Variants in CENPO observed in about 807,000 individuals in gnomAD.
The protein encoded by CENPO is centromeric protein O.
CENPO carries 30 observed loss-of-function variants against 36.1 expected under a neutral mutation model. That is an observed-to-expected ratio of 0.83 (90% confidence interval 0.62 to 1.13). The LOEUF is 1.13. Ranked by LOEUF, CENPO falls within the 50% of genes most tolerant of loss-of-function variation. The probability of loss-of-function intolerance (pLI) is 0.00; values close to 1 mark genes in which losing one functional copy is unlikely to be tolerated. For synonymous variants in CENPO, 171 were observed against 142.3 expected, an observed-to-expected ratio of 1.20 and a Z score of -1.44; for missense variants, 349 against 357.8, an observed-to-expected ratio of 0.98 and a Z score of 0.20.
At position 24,819,926 on chromosome 2, in the gene CENPO, G is replaced by T; in HGVS notation, c.*608G>T. 6.2e-7 allele frequency: 1 copy of T among 1,613,084 alleles called. No homozygotes were observed. Among genetic ancestry groups the T allele is most frequent in the Non-Finnish European group, 8.5e-7 (1 of 1,179,652 alleles). ...CCGGTTTGGACTGTTGCAGGCTCGA[G>T]GCCATTCAGGAGTTGTCCACCACCT... On this transcript the variant is annotated 3_prime_UTR_variant, in exon 8 of 8. Transcript: ENST00000380834.
At chr2:24,811,936 CTCAA>C (rs1176341760) in intron 3 of CENPO, among the ~76,000 whole-genome samples, 16 of 152,288 alleles carry the variant, frequency 1.1e-4, no homozygotes, top group Non-Finnish European at 2.4e-4. Context: ...CTATTTGGAT[CTCAA>C]TCTACCATAG....
rs146744493 is a variant in CENPO at position 24,799,803 on chromosome 2, C to T, written c.175C>T (p.Arg59Ter). 84 of 1,613,528 alleles carry T rather than the reference C, an allele frequency of 5.2e-5. No individual in the cohort carries two copies. Among genetic ancestry groups the T allele is most frequent in the Non-Finnish European group, 6.7e-5 (79 of 1,179,998 alleles). Residue 59 changes from arginine (R) to a stop codon, truncating the protein, a stop_gained, in exon 3 of 8, where the codon CGA becomes TGA. Coordinates refer to ENST00000380834, the MANE Select transcript of CENPO (RefSeq NM_001322101.2). LOFTEE classifies it high-confidence loss of function. Reference protein sequence around the residue: ...GTKIHKLRRLRDELRAVVRHR... With the variant: ...GTKIHKLRRL The stretch of plus-strand genomic sequence containing the variant: ...CAAGATTCATAAACTAAGGCGTCTG[C>T]GAGATGAGCTGAGGGCTGTGGTGCG...
rs34788696 is a variant in CENPO at position 24,814,425 on chromosome 2, A to C, written c.266A>C (p.Asn89Thr). Residue 89 changes from asparagine (N) to threonine (T), a missense_variant, in exon 4 of 8, where the codon AAT becomes ACT. Physicochemically the swap from Asn to Thr is moderately conservative, Grantham distance 65. Coordinates refer to ENST00000380834, the MANE Select transcript of CENPO (RefSeq NM_001322101.2). ...GAACCCAACCAAACAGTGGAGATCA[A>C]TGAGCAAGAAGCATTGGAAGAGAAA... ...NVEPNQTVEI[N>T]EQEALEEKLE... 1.2e-6 allele frequency: 2 copies of C among 1,607,378 alleles called. No homozygotes were observed. Among genetic ancestry groups the C allele is most frequent in the Admixed American group, 3.3e-5 (2 of 60,018 alleles).
At position 24,799,858 on chromosome 2, in the gene CENPO, T is replaced by C; in HGVS notation, c.216+14T>C. Reference sequence around the variant, plus strand: ...CGGCGAGCCAGCGTGAGTAGAAGGGTGGTATCAGCAGTTCCTTTAGAGTAT... The same window carrying C: ...CGGCGAGCCAGCGTGAGTAGAAGGGCGGTATCAGCAGTTCCTTTAGAGTAT... On this transcript the variant is annotated intron_variant, in intron 3 of 7. Coordinates refer to ENST00000380834, the MANE Select transcript of CENPO (RefSeq NM_001322101.2). 1 of 1,611,454 alleles carries C rather than the reference T, an allele frequency of 6.2e-7. No individual in the cohort carries two copies. The highest frequency in any genetic ancestry group is 8.5e-7 in the Non-Finnish European group (1 of 1,179,488).
At chr2:24,793,591 C>A in intron 1 of CENPO, 90 bp downstream of exon 1, 2 of 1,461,030 alleles carry the variant, frequency 1.4e-6, no homozygotes, top group South Asian at 1.4e-5. Flanking sequence ...CTTAAAACTC[C>A]TTCCGTGGCC....
intron 3 of CENPO, among the ~76,000 whole-genome samples, chr2:24,811,374 T>C (rs1666679289): frequency 6.9e-6 from 1 of 145,244 alleles, no homozygotes; most frequent in African/African-American, 2.6e-5. Context: ...CTCCGCCTCC[T>C]GATTCAAGCG....
Position 24,820,597 on chromosome 2 carries a change from C to T in CENPO, c.*1279C>T. 2 of 1,492,878 alleles carry T rather than the reference C, an allele frequency of 1.3e-6. No individual in the cohort carries two copies. The highest frequency in any genetic ancestry group is 1.8e-6 in the Non-Finnish European group (2 of 1,110,434). The allele number at this position is 1,492,878 out of a possible 1,614,324, so 92.5% of individuals were successfully genotyped here. On this transcript the variant is annotated 3_prime_UTR_variant, in exon 8 of 8. Transcript: ENST00000380834. ...TTGCAGAGATTCTTTTCCACTTGCCCCACGTCTCTGCCTCTGGACTTACTG... is the reference window on the plus strand; with the variant it reads ...TTGCAGAGATTCTTTTCCACTTGCCTCACGTCTCTGCCTCTGGACTTACTG...
intron 4 of CENPO, among the ~76,000 whole-genome samples, chr2:24,815,072 T>C (rs1206515463): frequency 6.6e-6 from 1 of 151,974 alleles, no homozygotes; most frequent in African/African-American, 2.4e-5. Flanking sequence ...ACCTCATCTC[T>C]ACTAAAAATT....
chr2:24,793,664 G>C lies in CENPO; in HGVS notation c.-69+163G>C. 4 of 1,177,386 alleles carry C rather than the reference G, an allele frequency of 3.4e-6. No homozygotes were observed. The South Asian group carries it at 6.3e-5, about 19-fold the overall frequency. The allele number at this position is 1,177,386 out of a possible 1,614,324, so 72.9% of individuals were successfully genotyped here. The stretch of plus-strand genomic sequence containing the variant: ...AGCGCGCCGGGGCCGCGGGATGGGC[G>C]CGGGGGTGGGCATGGACTCTGCTGG... On this transcript the variant is annotated intron_variant, in intron 1 of 7. Transcript: ENST00000380834.
In CENPO at chr2:24,796,263, A is replaced by C. The variant is rs1409857144; in HGVS notation, c.46+2298A>C. On this transcript the variant is annotated intron_variant, in intron 2 of 7. Coordinates refer to ENST00000380834, the MANE Select transcript of CENPO (RefSeq NM_001322101.2). ...CAGCTAATTGGGAGGCTGAAGCAGG[A>C]GAATTGCTTGAACCTGGGAGGTAGA... is the stretch of plus-strand genomic sequence containing the variant. Among the ~76,000 whole-genome samples, 3 of 152,188 alleles carry C rather than the reference A, an allele frequency of 2.0e-5. No homozygotes were observed. In the East Asian group the frequency reaches 5.8e-4, roughly 29 times the overall value.
Position 24,821,439 on chromosome 2 carries a change from A to G in CENPO, c.*2121A>G. ...AATTGCCTCAGTTGTCCTGAGCCTC[A>G]TGTCTCTCCTGGTGGTGGGCCAGGC... On this transcript the variant is annotated 3_prime_UTR_variant, in exon 8 of 8. Coordinates refer to ENST00000380834, the MANE Select transcript of CENPO (RefSeq NM_001322101.2). 6.4e-7 allele frequency: 1 copy of G among 1,572,508 alleles called. No individual in the cohort carries two copies. Among genetic ancestry groups the G allele is most frequent in the Non-Finnish European group, 8.6e-7 (1 of 1,156,254 alleles).
At chr2:24,808,183 G>A (rs116282462) in intron 3 of CENPO, among the ~76,000 whole-genome samples, 62 of 152,084 alleles carry the variant, frequency 4.1e-4, no homozygotes, top group African/African-American at 1.5e-3. Flanking sequence ...TCTAACTTAA[G>A]ATCATGCTGA....
intron 3 of CENPO, among the ~76,000 whole-genome samples, chr2:24,806,860 C>T (rs967640737): frequency 1.3e-5 from 2 of 152,174 alleles, no homozygotes; most frequent in Non-Finnish European, 1.5e-5. Flanking sequence ...GTCAGCAAGA[C>T]CTATCAGATT....
chr2:24,813,882 C>G (rs1489212416), intron 3 of CENPO, among the ~76,000 whole-genome samples: 2 of 152,208 alleles, frequency 1.3e-5, no homozygotes, highest in African/African-American at 4.8e-5. Flanking sequence ...ACCATTTGCT[C>G]TCTTTGCTTG....
Position 24,820,967 on chromosome 2 carries a change from C to A in CENPO, c.*1649C>A. ...TCCTAATGTAACACATCATTGTCCT[C>A]ATTCAACTTGGCTGTATGCTATTGG... On this transcript the variant is annotated 3_prime_UTR_variant, in exon 8 of 8. Coordinates refer to ENST00000380834, the MANE Select transcript of CENPO (RefSeq NM_001322101.2). The A allele has an allele frequency of 7.0e-7, 1 of 1,419,338 alleles. No homozygotes were observed. Among genetic ancestry groups the A allele is most frequent in the Non-Finnish European group, 9.6e-7 (1 of 1,042,952 alleles). 87.9% of individuals were successfully genotyped at this position (1,419,338 alleles called of 1,614,324 possible).
intron 3 of CENPO, 131 bp downstream of exon 3, chr2:24,799,975 T>C (rs747084653): frequency 9.6e-7 from 1 of 1,038,138 alleles, no homozygotes; most frequent in Non-Finnish European, 1.4e-6. Context: ...CAGTCCTTGA[T>C]CCCTCAAATG....
At position 24,820,897 on chromosome 2, in the gene CENPO, A is replaced by G. The variant is rs900333662; in HGVS notation, c.*1579A>G. 4 of 1,603,134 alleles carry G rather than the reference A, an allele frequency of 2.5e-6. No homozygotes were observed. Among genetic ancestry groups the G allele is most frequent in the Non-Finnish European group, 3.4e-6 (4 of 1,173,714 alleles). The stretch of plus-strand genomic sequence containing the variant: ...GCACAGCCACAGGCCACACCTTGTT[A>G]TGGGCCTCAGAAGCCATCTCCTCTC... On this transcript the variant is annotated 3_prime_UTR_variant, in exon 8 of 8. Coordinates refer to ENST00000380834, the MANE Select transcript of CENPO (RefSeq NM_001322101.2).
At chr2:24,817,253 G>T (rs1212445657) in intron 6 of CENPO, among the ~76,000 whole-genome samples, 1 of 152,174 alleles carries the variant, frequency 6.6e-6, no homozygotes, top group East Asian at 1.9e-4. Context: ...AATCCTTCCA[G>T]ACTGGCTGAG....
intron 3 of CENPO, among the ~76,000 whole-genome samples, chr2:24,811,447 ATTTTTTG>A (rs1368452660): frequency 5.8e-4 from 78 of 133,768 alleles, no homozygotes; most frequent in African/African-American, 1.7e-3. Flanking sequence ...CACCCAGCTA[ATTTTTTG>A]TTTTTTGTTT....
Sources: allele counts gnomAD v4.1 joint callset (sites outside exome capture counted in the v4.1 genomes callset), GRCh38; gene constraint gnomAD v4.1.1; transcripts MANE v1.5; gene names NCBI Gene and HGNC (gene_info 2026-07-23, HGNC 2026-07-21).